The following ACAD11 variants were observed in gnomAD, a reference collection of about 807,000 sequenced individuals.
ACAD11 encodes acyl-CoA dehydrogenase family member 11.
A neutral mutation model predicts 102.2 loss-of-function variants in ACAD11; 83 were observed. The ratio of observed to expected loss-of-function variants is 0.81; its 90% CI spans 0.68 to 0.97. The LOEUF is 0.97. Among genes scored for constraint, ACAD11 ranks in the 50% least tolerant of loss-of-function variants. The probability of loss-of-function intolerance (pLI) is 0.00; values close to 1 mark genes in which losing one functional copy is unlikely to be tolerated. For synonymous variants in ACAD11, 324 were observed against 319.8 expected, an observed-to-expected ratio of 1.01 and a Z score of -0.14; for missense variants, 901 against 951.7, an observed-to-expected ratio of 0.95 and a Z score of 0.70.
intron 13 of ACAD11, among the ~76,000 whole-genome samples, chr3:132,583,132 C>T (rs1044587388): frequency 3.3e-5 from 5 of 152,086 alleles, no homozygotes; most frequent in African/African-American, 9.7e-5. Context: ...ATGGTACCAG[C>T]TCCTCCTTGT....
In ACAD11 at chr3:132,567,873, G is replaced by A. The variant is rs140100963; in HGVS notation, c.2002-6656C>T. The stretch of plus-strand genomic sequence containing the variant: ...TTGGAAGTTCTAGCCAGTGCAATAA[G>A]ACAAAGGAAGGAGACAAAAAGCATG... On this transcript the variant is annotated intron_variant, in intron 17 of 19. Transcript: ENST00000264990. Among the ~76,000 whole-genome samples the A allele has an allele frequency of 5.9e-5, 9 of 152,206 alleles. No homozygotes were observed. The East Asian group carries it at 1.7e-3, about 29-fold the overall frequency.
chr3:132,598,334 C>T (rs1354194015), intron 13 of ACAD11, among the ~76,000 whole-genome samples: 1 of 152,188 alleles, frequency 6.6e-6, no homozygotes, highest in Non-Finnish European at 1.5e-5. Flanking sequence ...ACAATGTTGA[C>T]ATAGAAGATT....
rs369963613 is a variant in ACAD11 at position 132,631,458 on chromosome 3, C to T, written c.724G>A (p.Asp242Asn). ...PKECRVIAVL[D>N]WELSTIGHPL... ...TGACCAATGGTTGACAGCTCCCAAT[C>T]CAGCACTGCTATAACTCGACACTGT... is the stretch of plus-strand genomic sequence containing the variant. Residue 242 changes from aspartate (D) to asparagine (N), a missense_variant, in exon 6 of 20, where the codon GAT (aspartate) becomes AAT (asparagine). Coordinates refer to ENST00000264990, the MANE Select transcript of ACAD11 (RefSeq NM_032169.5). The T allele has an allele frequency of 6.6e-7, 1 of 1,526,708 alleles. No homozygotes were observed. Among genetic ancestry groups the T allele is most frequent in the South Asian group, 1.3e-5 (1 of 74,838 alleles). The allele number at this position is 1,526,708 out of a possible 1,614,324, so 94.6% of individuals were successfully genotyped here.
intron 16 of ACAD11, among the ~76,000 whole-genome samples, chr3:132,576,690 T>C (rs1937528812): frequency 6.6e-6 from 1 of 152,222 alleles, no homozygotes; most frequent in South Asian, 2.1e-4. Flanking sequence ...CAGAAAACTT[T>C]CCCTTGACAA....
chr3:132,581,958 T>A (rs953311821), intron 13 of ACAD11, among the ~76,000 whole-genome samples: 1 of 151,946 alleles, frequency 6.6e-6, no homozygotes, highest in Non-Finnish European at 1.5e-5. Flanking sequence ...AATATAAATA[T>A]TAGTAATCCT....
intron 10 of ACAD11, 22 bp from the exon 11 acceptor site, chr3:132,618,794 CAG>C (rs1249019674): frequency 6.5e-7 from 1 of 1,532,532 alleles, no homozygotes; most frequent in Middle Eastern, 1.7e-4. Context: ...ATGAACATGC[CAG>C]AGTGACCATA....
intron 16 of ACAD11, among the ~76,000 whole-genome samples, chr3:132,576,444 G>C (rs1292101202): frequency 6.6e-6 from 1 of 152,114 alleles, no homozygotes; most frequent in Non-Finnish European, 1.5e-5. Flanking sequence ...ATAAGCAAGA[G>C]GATGGCATAC....
At chr3:132,561,938 G>A (rs1361067073) in intron 17 of ACAD11, among the ~76,000 whole-genome samples, 4 of 152,144 alleles carry the variant, frequency 2.6e-5, no homozygotes, top group Non-Finnish European at 4.4e-5. Flanking sequence ...ATTGTTTTGA[G>A]ACCAACTTCT....
chr3:132,577,478 CT>C (rs1937539492), intron 15 of ACAD11, among the ~76,000 whole-genome samples: 1 of 152,056 alleles, frequency 6.6e-6, no homozygotes, highest in Non-Finnish European at 1.5e-5. Context: ...TGACAGGGGC[CT>C]GCTTGAGGGG....
chr3:132,630,371 T>G, intron 7 of ACAD11, 66 bp downstream of exon 7: 1 of 1,466,154 alleles, frequency 6.8e-7, no homozygotes, highest in East Asian at 2.4e-5. Context: ...CCCGGAAGAC[T>G]GGAAAACATT....
At chr3:132,621,591 C>T (rs1433031533) in intron 9 of ACAD11, among the ~76,000 whole-genome samples, 2 of 152,066 alleles carry the variant, frequency 1.3e-5, no homozygotes, top group African/African-American at 4.8e-5. Flanking sequence ...AAAGTTTACT[C>T]GCACATTCAC....
chr3:132,610,481 T>A (rs11914633), intron 11 of ACAD11, among the ~76,000 whole-genome samples: 1 of 151,688 alleles, frequency 6.6e-6, no homozygotes, highest in African/African-American at 2.4e-5. Flanking sequence ...GCTAGCAAGA[T>A]TAATAAAGAA....
chr3:132,623,993 C>A (rs1349496184), intron 9 of ACAD11, among the ~76,000 whole-genome samples: 2 of 145,494 alleles, frequency 1.4e-5, no homozygotes, highest in African/African-American at 5.1e-5. Flanking sequence ...ATCCCCACCA[C>A]CCCCCACCAC....
At chr3:132,591,394 A>G (rs935599351) in intron 13 of ACAD11, among the ~76,000 whole-genome samples, 5 of 152,074 alleles carry the variant, frequency 3.3e-5, no homozygotes, top group African/African-American at 1.2e-4. Context: ...TTCTTTCTCT[A>G]CTTTCCATTC....
In ACAD11 at chr3:132,605,152, G is replaced by T. The variant is rs762289222; in HGVS notation, c.1468C>A (p.Gln490Lys). The change falls in exon 12 of 20, where the codon CAG (glutamine) becomes AAG (lysine). Residue 490 changes from glutamine to lysine, a missense_variant. By Grantham distance (53) the Gln-to-Lys change is moderately conservative. Coordinates refer to ENST00000264990, the MANE Select transcript of ACAD11 (RefSeq NM_032169.5). ...HLYGSEEQKK[Q>K]WLEPLLQGNI... Reference sequence around the variant, plus strand: ...CCTTGAAGAAGAGGCTCAAGCCACTGTTTCTTCTGTTCCTCACTTCCATAC... The same window carrying T: ...CCTTGAAGAAGAGGCTCAAGCCACTTTTTCTTCTGTTCCTCACTTCCATAC... 1 of 1,613,628 alleles carries T rather than the reference G, an allele frequency of 6.2e-7. No individual in the cohort carries two copies. The highest frequency in any genetic ancestry group is 8.5e-7 in the Non-Finnish European group (1 of 1,179,700).
chr3:132,650,299 G>A (rs1940884800), intron 1 of ACAD11: 1 of 152,222 alleles, frequency 6.6e-6, no homozygotes, highest in Non-Finnish European at 1.5e-5. Context: ...CGTTATCACA[G>A]TGTAACAGAG....
At chr3:132,605,313 G>C in intron 11 of ACAD11, 108 bp from the exon 12 acceptor site, 1 of 598,826 alleles carries the variant, frequency 1.7e-6, no homozygotes, top group Non-Finnish European at 2.8e-6. Flanking sequence ...GCAAATGTTT[G>C]CTAACAAAAA....
At chr3:132,657,267 T>C (rs888311828) in intron 1 of ACAD11, among the ~76,000 whole-genome samples, 32 of 152,224 alleles carry the variant, frequency 2.1e-4, no homozygotes, top group African/African-American at 7.5e-4. Flanking sequence ...GTGCCAACAT[T>C]GTCACTTATC....
intron 11 of ACAD11, among the ~76,000 whole-genome samples, chr3:132,608,151 T>C (rs1938933526): frequency 6.6e-6 from 1 of 152,124 alleles, no homozygotes; most frequent in South Asian, 2.1e-4. Context: ...CAAAAACTGG[T>C]ACTAGCCACT....
Sources: gnomAD v4.1 joint callset for allele counts (sites outside exome capture counted in the v4.1 genomes callset) on GRCh38, gnomAD v4.1.1 for gene constraint, MANE v1.5 for transcripts, NCBI Gene and HGNC (gene_info 2026-07-23, HGNC 2026-07-21) for gene names.